Variants in NRF1 observed in about 807,000 individuals in gnomAD.
NRF1 encodes nuclear respiratory factor 1, also known as alpha palindromic-binding protein.
NRF1 carries 5 observed loss-of-function variants against 58.5 expected under a neutral mutation model. The observed-to-expected ratio is 0.09, with a 90% CI of 0.04 to 0.18. The LOEUF (loss-of-function observed/expected upper bound fraction) is 0.18. Ranked by LOEUF, NRF1 falls within the 10% of genes least tolerant of loss-of-function variation. The pLI, the probability that NRF1 is intolerant of heterozygous loss-of-function variation, is 1.00. For missense variants in NRF1, 288 were observed against 657.7 expected (o/e 0.44, Z 6.15); for synonymous variants, 224 against 246.7 (o/e 0.91, Z 0.86).
intron 4 of NRF1, among the ~76,000 whole-genome samples, chr7:129,683,025 A>C (rs147267197): frequency 2.0e-5 from 3 of 150,404 alleles, no homozygotes; most frequent in Non-Finnish European, 4.4e-5. Context: ...CTGCCTCACC[A>C]GTTCAAACAG....
At chr7:129,695,500 T>TG (rs1438379904) in intron 5 of NRF1, among the ~76,000 whole-genome samples, 2 of 149,680 alleles carry the variant, frequency 1.3e-5, no homozygotes, top group South Asian at 4.2e-4. Context: ...CGCTTCACCC[T>TG]GGGAGGCGGA....
In NRF1 at chr7:129,690,457, G is replaced by C. The variant is rs1802539700; in HGVS notation, c.517G>C (p.Glu173Gln). ...ILEDLESALA[E>Q]HAPAPQEVNS... Reference sequence around the variant, plus strand: ...GGAAGACCTGGAGTCTGCTCTGGCAGAACACGCCCCTGCGCCACAGGAGGT... The same window carrying C: ...GGAAGACCTGGAGTCTGCTCTGGCACAACACGCCCCTGCGCCACAGGAGGT... The change falls in exon 5 of 11, where the codon GAA (glutamate) becomes CAA (glutamine). Residue 173 changes from glutamate (E) to glutamine (Q), a missense_variant. Transcript: ENST00000393232. 6.2e-7 allele frequency: 1 copy of C among 1,614,038 alleles called. No individual in the cohort carries two copies. The highest frequency in any genetic ancestry group is 1.3e-5 in the African/African-American group (1 of 74,916).
At chr7:129,749,650 G>A (rs1303631755) in intron 10 of NRF1, among the ~76,000 whole-genome samples, 5 of 152,048 alleles carry the variant, frequency 3.3e-5, no homozygotes, top group Non-Finnish European at 7.4e-5. Context: ...GCAGCAGGGG[G>A]CCCAAAGAGG....
intron 5 of NRF1, among the ~76,000 whole-genome samples, chr7:129,698,419 G>A (rs1802748118): frequency 6.6e-6 from 1 of 151,886 alleles, no homozygotes; most frequent in South Asian, 2.1e-4. Context: ...TGGATTTCTA[G>A]GCACCTTTAA....
intron 1 of NRF1, 85 bp from the exon 2 acceptor site, chr7:129,657,261 C>T: frequency 9.9e-7 from 1 of 1,008,712 alleles, no homozygotes; most frequent in Non-Finnish European, 1.5e-6. Flanking sequence ...GGTTCCTCTG[C>T]TCTTGAATAA....
chr7:129,735,012 A>G, intron 10 of NRF1: 1 of 976,118 alleles, frequency 1.0e-6, no homozygotes, highest in Non-Finnish European at 1.2e-6. Context: ...TTTTGCCTGG[A>G]GCGAGTTTAT....
intron 1 of NRF1, among the ~76,000 whole-genome samples, chr7:129,617,846 G>A (rs974985328): frequency 2.6e-5 from 4 of 152,128 alleles, no homozygotes; most frequent in Non-Finnish European, 5.9e-5. Context: ...GGAGAAGAGG[G>A]GCTGAGAGGA....
intron 1 of NRF1, among the ~76,000 whole-genome samples, chr7:129,626,875 A>G (rs759245181): frequency 1.3e-5 from 2 of 152,242 alleles, no homozygotes; most frequent in Non-Finnish European, 2.9e-5. Flanking sequence ...ATCCATTGCT[A>G]AAGTAACAAA....
chr7:129,755,333 A>C lies in NRF1; in HGVS notation c.*152A>C. The C allele has an allele frequency of 1.5e-6, 1 of 689,296 alleles. No homozygotes were observed. The highest frequency in any genetic ancestry group is 2.2e-6 in the Non-Finnish European group (1 of 456,252). The allele number at this position is 689,296 out of a possible 1,614,324, so 42.7% of individuals were successfully genotyped here. On this transcript the variant is annotated 3_prime_UTR_variant, in exon 11 of 11. Coordinates refer to ENST00000393232, the MANE Select transcript of NRF1 (RefSeq NM_005011.5). This position sits in a 1 kb window ranked among gnomAD's most constrained non-coding sequence, Gnocchi z 5.8. ...TTAAAAGGAAGAAAGCGGATTTTGG[A>C]ATTGCATTTTTTAAAGCACCACTCT...
chr7:129,742,972 T>C (rs994453666), intron 10 of NRF1, among the ~76,000 whole-genome samples: 1 of 152,194 alleles, frequency 6.6e-6, no homozygotes, highest in Admixed American at 6.5e-5. Context: ...TTGAGGTTGG[T>C]CTGAACCTCT....
intron 5 of NRF1, among the ~76,000 whole-genome samples, chr7:129,695,636 A>G (rs1483276790): frequency 2.7e-5 from 4 of 148,856 alleles, no homozygotes; most frequent in Non-Finnish European, 4.5e-5. Context: ...CTGTAGTTTG[A>G]GGGGTTTAGG....
At chr7:129,707,689 G>A (rs528340955) in intron 5 of NRF1, among the ~76,000 whole-genome samples, 21 of 152,240 alleles carry the variant, frequency 1.4e-4, no homozygotes, top group Non-Finnish European at 2.2e-4. Context: ...CTTGATGCCA[G>A]AGCCAAATAT....
chr7:129,664,021 A>C (rs1359021604), intron 2 of NRF1, among the ~76,000 whole-genome samples: 2 of 149,522 alleles, frequency 1.3e-5, no homozygotes. Flanking sequence ...GGCACTCGCC[A>C]GGCCGAGGCA....
At chr7:129,733,205 C>T (rs893323060) in intron 10 of NRF1, among the ~76,000 whole-genome samples, 3 of 152,164 alleles carry the variant, frequency 2.0e-5, no homozygotes, top group Middle Eastern at 3.2e-3. Flanking sequence ...CGGTGGCTCA[C>T]GCCTGTAATC....
At position 129,709,127 on chromosome 7, in the gene NRF1, G is replaced by C; in HGVS notation, c.659G>C (p.Gly220Ala). ...PEMLKYSTGR[G>A]KPGWGKESCK... is the part of the protein sequence containing the mutation. The stretch of plus-strand genomic sequence containing the variant: ...ATGCTCAAGTACTCTACAGGTCGGG[G>C]AAAACCAGGCTGGGGGAAAGAAAGC... The change falls in exon 6 of 11, where the codon GGA (glycine) becomes GCA (alanine). Residue 220 changes from glycine to alanine, a missense_variant. By Grantham distance (60) the Gly-to-Ala change is moderately conservative (BLOSUM62 0). This residue lies in a region of NRF1 where 212 missense variants were observed against 559.7 expected (regional missense o/e 0.38). Transcript: ENST00000393232. 1 of 1,598,394 alleles carries C rather than the reference G, an allele frequency of 6.3e-7. No homozygotes were observed. Among genetic ancestry groups the C allele is most frequent in the Non-Finnish European group, 8.5e-7 (1 of 1,171,634 alleles).
chr7:129,655,078 T>C (rs1445105777), intron 1 of NRF1, among the ~76,000 whole-genome samples: 2 of 152,248 alleles, frequency 1.3e-5, no homozygotes, highest in Admixed American at 1.3e-4. Context: ...TGTCTTCCTA[T>C]GCATGAACAT....
chr7:129,754,564 G>C (rs1016256429), intron 10 of NRF1, among the ~76,000 whole-genome samples: 5 of 151,928 alleles, frequency 3.3e-5, no homozygotes, highest in Admixed American at 1.3e-4. Context: ...GTTGGGGAGG[G>C]GGGCAGGAGA....
chr7:129,625,734 T>G (rs1800899690), intron 1 of NRF1, among the ~76,000 whole-genome samples: 1 of 132,730 alleles, frequency 7.5e-6, no homozygotes, highest in South Asian at 2.3e-4. Flanking sequence ...CAGGCTGGAG[T>G]GCAGTGGTGC....
intron 10 of NRF1, among the ~76,000 whole-genome samples, chr7:129,738,333 CA>C (rs1451798685): frequency 6.6e-6 from 1 of 152,194 alleles, no homozygotes; most frequent in Non-Finnish European, 1.5e-5. Flanking sequence ...CCTGTGGCTC[CA>C]GCTGAGCTGG....
Sources: gnomAD v4.1 joint callset for allele counts (sites outside exome capture counted in the v4.1 genomes callset) on GRCh38, gnomAD v4.1.1 for gene constraint, gnomAD v4.1.1 regional missense constraint, Gnocchi (gnomAD v3.1) non-coding constraint, MANE v1.5 for transcripts, NCBI Gene and HGNC (gene_info 2026-07-23, HGNC 2026-07-21) for gene names.